The following TRPV6 variants were observed in gnomAD, a reference collection of about 807,000 sequenced individuals.
TRPV6 encodes transient receptor potential cation channel subfamily V member 6, also known as Alu-binding protein with zinc finger domain.
In TRPV6, 39 loss-of-function variants were observed where a neutral mutation model predicts 79.0. That is an observed-to-expected ratio of 0.49 (90% CI 0.38 to 0.64). TRPV6 has a LOEUF of 0.64. Ranked by LOEUF, TRPV6 falls within the 30% of genes least tolerant of loss-of-function variation. The pLI is 0.00. For missense variants in TRPV6, 813 were observed against 1,011.1 expected, an observed-to-expected ratio of 0.80 and a Z score of 2.66; for synonymous variants, 373 against 391.9, an observed-to-expected ratio of 0.95 and a Z score of 0.57.
rs761656516 is a variant in TRPV6, at chr7:142,885,570, G to T, written c.67C>A (p.Pro23Thr). 2.3e-4 allele frequency: 361 copies of T among 1,544,458 alleles called. No homozygotes were observed. The highest frequency in any genetic ancestry group is 3.0e-4 in the Non-Finnish European group (339 of 1,143,920). Residue 23 changes from proline to threonine, a missense_variant, in exon 1 of 15, where the codon CCC becomes ACC. Coordinates refer to ENST00000359396, the MANE Select transcript of TRPV6 (RefSeq NM_018646.6). Reference sequence around the variant, plus strand: ...TGAGGCCGAGGCCAGACCCTGACGGGACTCAGCCTTGGGGCCACATCAGCC... The same window carrying T: ...TGAGGCCGAGGCCAGACCCTGACGGTACTCAGCCTTGGGGCCACATCAGCC...
chr7:142,872,421 A>T lies in TRPV6; in HGVS notation c.1966T>A (p.Ser656Thr). Reference sequence around the variant, plus strand: ...CCATACTCCCGTCCGCAGATCCCGGAGCGAGGCCACAGGCAGCGAGGCAGC... The same window carrying T: ...CCATACTCCCGTCCGCAGATCCCGGTGCGAGGCCACAGGCAGCGAGGCAGC... Residue 656 changes from serine (S) to threonine (T), a missense_variant, in exon 14 of 15, where the codon TCC becomes ACC. Ser to Thr is a moderately conservative substitution (Grantham distance 58, BLOSUM62 1). Transcript: ENST00000359396. 3 of 1,614,228 alleles carry T rather than the reference A, an allele frequency of 1.9e-6. No individual in the cohort carries two copies. Among genetic ancestry groups the T allele is most frequent in the South Asian group, 2.2e-5 (2 of 91,084 alleles).
At chr7:142,878,220 G>T in intron 1 of TRPV6, 194 bp from the exon 2 acceptor site, 2 of 601,742 alleles carry the variant, frequency 3.3e-6, no homozygotes, top group Non-Finnish European at 3.0e-6. Flanking sequence ...TCAACTTTTT[G>T]CCCATTTAGC....
chr7:142,879,264 C>T (rs983273194), intron 1 of TRPV6: 1 of 152,180 alleles, frequency 6.6e-6, no homozygotes, highest in Non-Finnish European at 1.5e-5. Context: ...TTTGCTGAGT[C>T]AGATTAGTCT....
In TRPV6 at chr7:142,877,250, T is replaced by C; in HGVS notation, c.499A>G (p.Asn167Asp). The C allele has an allele frequency of 1.2e-6, 2 of 1,614,194 alleles. No individual in the cohort carries two copies. The highest frequency in any genetic ancestry group is 1.7e-6 in the Non-Finnish European group (2 of 1,180,022). Residue 167 changes from asparagine (N) to aspartate (D), a missense_variant, in exon 4 of 15, where the codon AAC (asparagine) becomes GAC (aspartate). Asn to Asp is a conservative substitution (Grantham distance 23). Coordinates refer to ENST00000359396, the MANE Select transcript of TRPV6 (RefSeq NM_018646.6). ...GCTCGCACCAGGTTCATGTTCTGGT[T>C]CACAACAGCGATGTGCAGTGCAGTC...
At position 142,877,762 on chromosome 7, in the gene TRPV6, C is replaced by T. The variant is rs750150653; in HGVS notation, c.358G>A (p.Glu120Lys). ...AGGGCTGCTATGTGTAGCGCTGTTT[C>T]CCCCATGGCTCCTGGCATTTACAGA... The change falls in exon 3 of 15, where the codon GAA (glutamate) becomes AAA (lysine). Residue 120 changes from glutamate to lysine, a missense_variant. This residue lies in a region of TRPV6 where 555 missense variants were observed against 631.0 expected (regional missense o/e 0.88). Transcript: ENST00000359396. 1.1e-5 allele frequency: 17 copies of T among 1,614,142 alleles called. No homozygotes were observed. Among genetic ancestry groups the T allele is most frequent in the Non-Finnish European group, 1.4e-5 (17 of 1,180,014 alleles).
chr7:142,875,979 CAGG>C (rs1196127212), intron 6 of TRPV6, 75 bp from the exon 7 acceptor site: 4 of 1,478,294 alleles, frequency 2.7e-6, no homozygotes, highest in Non-Finnish European at 3.6e-6. Flanking sequence ...GATGCATGTG[CAGG>C]AGGACGGCAC....
intron 1 of TRPV6, chr7:142,881,084 A>G (rs1451737196): frequency 6.6e-6 from 1 of 152,164 alleles, no homozygotes; most frequent in African/African-American, 2.4e-5. Flanking sequence ...ATAACCTCAT[A>G]TGCCCACAAG....
intron 6 of TRPV6, 130 bp from the exon 7 acceptor site, chr7:142,876,034 T>C: frequency 9.7e-7 from 1 of 1,034,792 alleles, no homozygotes; most frequent in East Asian, 2.5e-5. Context: ...ATGACAGCCT[T>C]TAGAGGGCAG....
chr7:142,873,973 AT>A lies in TRPV6; in HGVS notation c.1639+102del, dbSNP rs1794998935. Reference sequence around the variant, plus strand: ...CCTCTGATACCATAGGTCTCCTCTGATCTCTGCATTACTCCTCCTCCCCAAG... The same window carrying A: ...CCTCTGATACCATAGGTCTCCTCTGACTCTGCATTACTCCTCCTCCCCAAG... On this transcript the variant is annotated intron_variant, in intron 12 of 14. Coordinates refer to ENST00000359396, the MANE Select transcript of TRPV6 (RefSeq NM_018646.6). The surrounding 1 kb of genome is among the most constrained non-coding windows in gnomAD (Gnocchi z 4.8). 2 of 1,340,622 alleles carry A rather than the reference AT, an allele frequency of 1.5e-6. No individual in the cohort carries two copies. Among genetic ancestry groups the A allele is most frequent in the Admixed American group, 3.9e-5 (2 of 51,306 alleles). The allele number at this position is 1,340,622 out of a possible 1,614,324, so 83.0% of individuals were successfully genotyped here.
At position 142,874,918 on chromosome 7, in the gene TRPV6, T is replaced by C. The variant is rs768789278; in HGVS notation, c.1392A>G (p.Pro464=). ...AGGAAACTCACATGAGGACATGGAA[T>C]GGGCCCCCAAGGATGGTCTGTCCAA... Residue 464 remains proline, a synonymous_variant, in exon 10 of 15, where the codon CCA becomes CCG. Transcript: ENST00000359396. The C allele has an allele frequency of 3.0e-5, 48 of 1,614,084 alleles. 2 individuals carry two copies. The South Asian group carries it at 3.1e-4, about 10-fold the overall frequency.
intron 1 of TRPV6, chr7:142,878,308 G>A: frequency 2.0e-6 from 1 of 499,534 alleles, no homozygotes; most frequent in South Asian, 2.2e-5. Flanking sequence ...ATGTGTGAAT[G>A]TATTATCAGT....
intron 1 of TRPV6, chr7:142,880,628 T>G (rs1049336890): frequency 6.6e-6 from 1 of 152,088 alleles, no homozygotes; most frequent in Non-Finnish European, 1.5e-5. Context: ...TCCCCTTTGG[T>G]CCCTACACGT....
At position 142,872,373 on chromosome 7, in the gene TRPV6, G is replaced by T. The variant is rs753833631; in HGVS notation, c.2014C>A (p.Arg672=). 4 of 1,613,978 alleles carry T rather than the reference G, an allele frequency of 2.5e-6. No homozygotes were observed. Among genetic ancestry groups the T allele is most frequent in the Admixed American group, 1.7e-5 (1 of 60,012 alleles). Residue 672 remains arginine, a splice_region_variant and synonymous_variant, in exon 14 of 15, where the codon CGG becomes AGG. Coordinates refer to ENST00000359396, the MANE Select transcript of TRPV6 (RefSeq NM_018646.6). ...CACCTACCCCCGCATATCACTCACCGCAGGAACCAGCGGTCTCCCAGGCCA... is the reference window on the plus strand; with the variant it reads ...CACCTACCCCCGCATATCACTCACCTCAGGAACCAGCGGTCTCCCAGGCCA...
Position 142,874,654 on chromosome 7 carries a change from A to T in TRPV6, c.1409T>A (p.Ile470Asn). 6.2e-7 allele frequency: 1 copy of T among 1,613,060 alleles called. No homozygotes were observed. The highest frequency in any genetic ancestry group is 8.5e-7 in the Non-Finnish European group (1 of 1,179,344). Residue 470 changes from isoleucine to asparagine, a missense_variant and splice_region_variant, in exon 11 of 15, where the codon ATC becomes AAC. By Grantham distance (149) the Ile-to-Asn change is moderately radical (BLOSUM62 -3). Around this residue, in one of 3 missense-constraint regions of TRPV6, gnomAD observed 555 missense variants for 631.0 expected, o/e 0.88. Coordinates refer to ENST00000359396, the MANE Select transcript of TRPV6 (RefSeq NM_018646.6). ...CACCAGCACCATGAAGGCATAGGTG[A>T]TGCTGGGGGAGCAGGGAGGAGGGTG... is the stretch of plus-strand genomic sequence containing the variant.
At chr7:142,877,530 A>G in intron 3 of TRPV6, 121 bp downstream of exon 3, 4 of 1,503,966 alleles carry the variant, frequency 2.7e-6, no homozygotes, top group Admixed American at 4.3e-5. Context: ...GACAGAGAAG[A>G]GAAAAAAAGA....
At chr7:142,877,077 C>T (rs1375770860) in intron 4 of TRPV6, 65 bp downstream of exon 4, 1 of 1,546,444 alleles carries the variant, frequency 6.5e-7, no homozygotes, top group African/African-American at 1.4e-5. Flanking sequence ...CCTCCTCTGC[C>T]TGGCCCTGCC....
At chr7:142,876,018 A>T in intron 6 of TRPV6, 114 bp from the exon 7 acceptor site, 1 of 1,223,980 alleles carries the variant, frequency 8.2e-7, no homozygotes. Flanking sequence ...CTGCCCTTTC[A>T]TTTTGATGAC....
chr7:142,873,351 A>T lies in TRPV6; in HGVS notation c.1908+97T>A. The T allele has an allele frequency of 2.6e-6, 4 of 1,527,118 alleles. No individual in the cohort carries two copies. The South Asian group carries it at 4.9e-5, about 19-fold the overall frequency. The allele number at this position is 1,527,118 out of a possible 1,614,324, so 94.6% of individuals were successfully genotyped here. On this transcript the variant is annotated intron_variant, in intron 13 of 14. Coordinates refer to ENST00000359396, the MANE Select transcript of TRPV6 (RefSeq NM_018646.6). This position sits in a 1 kb window ranked among gnomAD's most constrained non-coding sequence, Gnocchi z 4.8. ...CTAGCTTTGCCACAACTGTCCAAACATAAGTGGGGTGGAGATATCCTGTCT... is the reference window on the plus strand; with the variant it reads ...CTAGCTTTGCCACAACTGTCCAAACTTAAGTGGGGTGGAGATATCCTGTCT...
intron 4 of TRPV6, 98 bp downstream of exon 4, chr7:142,877,044 A>G: frequency 1.3e-6 from 2 of 1,495,124 alleles, no homozygotes; most frequent in African/African-American, 1.4e-5. Context: ...CAGCTGCCCA[A>G]CAGATACGGC....
Sources: gnomAD v4.1 joint callset for allele counts on GRCh38, gnomAD v4.1.1 for gene constraint, gnomAD v4.1.1 regional missense constraint, Gnocchi (gnomAD v3.1) non-coding constraint, MANE v1.5 for transcripts, NCBI Gene and HGNC (gene_info 2026-07-23, HGNC 2026-07-21) for gene names.